HNMT: variants seen among roughly 807,000 people sequenced by gnomAD.
HNMT encodes the protein histamine N-methyltransferase.
Under a neutral mutation model 32.1 loss-of-function variants are expected in HNMT, and 30 were observed. That is an observed-to-expected ratio of 0.93 (90% CI 0.70 to 1.27). HNMT has a LOEUF of 1.27. Among genes scored for constraint, HNMT ranks in the 50% most tolerant of loss-of-function variants. HNMT has a pLI of 0.00. For missense variants in HNMT, 327 were observed against 346.0 expected, an observed-to-expected ratio of 0.95 and a Z score of 0.43; for synonymous variants, 125 against 119.0, an observed-to-expected ratio of 1.05 and a Z score of -0.33.
At chr2:138,006,634 T>C (rs1681338851) in intron 5 of HNMT, among the ~76,000 whole-genome samples, 1 of 152,010 alleles carries the variant, frequency 6.6e-6, no homozygotes, top group Non-Finnish European at 1.5e-5. Flanking sequence ...GGCTGTATCA[T>C]GAATGAATTA....
intron 1 of HNMT, among the ~76,000 whole-genome samples, chr2:137,967,797 A>T (rs1680004547): frequency 6.6e-6 from 1 of 152,210 alleles, no homozygotes; most frequent in South Asian, 2.1e-4. Flanking sequence ...TTAATTTCCA[A>T]GAATGTTTTC....
intron 5 of HNMT, among the ~76,000 whole-genome samples, chr2:138,010,132 A>G (rs943390004): frequency 3.9e-5 from 6 of 152,020 alleles, no homozygotes; most frequent in African/African-American, 1.4e-4. Context: ...CTGCTCTCCA[A>G]TGCACAAAAC....
In HNMT at chr2:138,001,005, A is replaced by G; in HGVS notation, c.278A>G (p.Glu93Gly). ...INNEVVEPSA[E>G]QIAKYKELVA... ...AATGAAGTTGTTGAGCCAAGTGCTG[A>G]ACAAATTGCCAAATACAAAGGTACC... The change falls in exon 3 of 6, where the codon GAA becomes GGA. Residue 93 changes from glutamate (E) to glycine (G), a missense_variant. Physicochemically the swap from Glu to Gly is moderately conservative, Grantham distance 98 (BLOSUM62 -2). Coordinates refer to ENST00000280097, the MANE Select transcript of HNMT (RefSeq NM_006895.3). 6.2e-7 allele frequency: 1 copy of G among 1,604,728 alleles called. No homozygotes were observed. Among genetic ancestry groups the G allele is most frequent in the Non-Finnish European group, 8.5e-7 (1 of 1,174,266 alleles).
At chr2:137,989,583 G>C (rs78415634) in intron 2 of HNMT, among the ~76,000 whole-genome samples, 1 of 152,198 alleles carries the variant, frequency 6.6e-6, no homozygotes, top group Non-Finnish European at 1.5e-5. Context: ...TTGTGTGACT[G>C]TAAGTTTTCA....
At chr2:138,008,360 G>C (rs185918621) in intron 5 of HNMT, among the ~76,000 whole-genome samples, 2 of 151,940 alleles carry the variant, frequency 1.3e-5, no homozygotes, top group African/African-American at 4.8e-5. Context: ...TAGTGTATAT[G>C]TATCACATTT....
At chr2:138,002,957 A>G (rs1031807028) in intron 4 of HNMT, among the ~76,000 whole-genome samples, 1 of 151,702 alleles carries the variant, frequency 6.6e-6, no homozygotes, top group Non-Finnish European at 1.5e-5. Context: ...TGACTCATAC[A>G]TGTTATAGAA....
chr2:137,987,638 T>C (rs1489492071), intron 2 of HNMT, among the ~76,000 whole-genome samples: 2 of 141,388 alleles, frequency 1.4e-5, no homozygotes, highest in African/African-American at 5.3e-5. Flanking sequence ...TTACTTTGAA[T>C]CTCTTATACT....
At chr2:137,979,427 C>T (rs181310486) in intron 2 of HNMT, among the ~76,000 whole-genome samples, 2 of 152,024 alleles carry the variant, frequency 1.3e-5, no homozygotes, top group East Asian at 1.9e-4. Flanking sequence ...CCCATCACCA[C>T]GTTTTTAGTA....
intron 2 of HNMT, among the ~76,000 whole-genome samples, chr2:138,000,543 G>A (rs1681135851): frequency 7.0e-6 from 1 of 143,130 alleles, no homozygotes; most frequent in Non-Finnish European, 1.5e-5. Flanking sequence ...TAATACCTCT[G>A]ATATTGTTAT....
chr2:138,001,020 A>G lies in HNMT; in HGVS notation c.293A>G (p.Tyr98Cys). Residue 98 changes from tyrosine (Y) to cysteine (C), a missense_variant, in exon 3 of 6, where the codon TAC (tyrosine) becomes TGC (cysteine). By Grantham distance (194) the Tyr-to-Cys change is radical. Coordinates refer to ENST00000280097, the MANE Select transcript of HNMT (RefSeq NM_006895.3). The part of the protein sequence containing the change: ...VEPSAEQIAK[Y>C]KELVAKTSNL... ...CCAAGTGCTGAACAAATTGCCAAAT[A>G]CAAAGGTACCTGTAACTCCTGGTCC... 2 of 1,585,798 alleles carry G rather than the reference A, an allele frequency of 1.3e-6. No individual in the cohort carries two copies. Among genetic ancestry groups the G allele is most frequent in the Non-Finnish European group, 1.7e-6 (2 of 1,157,768 alleles).
intron 2 of HNMT, among the ~76,000 whole-genome samples, chr2:137,983,049 C>T (rs1296535895): frequency 1.3e-5 from 2 of 152,154 alleles, no homozygotes; most frequent in African/African-American, 4.8e-5. Context: ...TTTCCTGAAG[C>T]GCATGATTTT....
At chr2:138,010,841 T>A (rs1044557747) in intron 5 of HNMT, among the ~76,000 whole-genome samples, 2 of 151,940 alleles carry the variant, frequency 1.3e-5, no homozygotes, top group Non-Finnish European at 2.9e-5. Flanking sequence ...AAAGAAAAGT[T>A]TTTTTCTGCA....
intron 2 of HNMT, among the ~76,000 whole-genome samples, chr2:137,998,096 G>T (rs1345445259): frequency 6.6e-6 from 1 of 152,022 alleles, no homozygotes; most frequent in East Asian, 1.9e-4. Flanking sequence ...GTATACCTAT[G>T]TAACAAACCT....
At position 138,015,791 on chromosome 2, in the gene HNMT, A is replaced by T. The variant is rs1681644430; in HGVS notation, c.*1661A>T. On this transcript the variant is annotated 3_prime_UTR_variant, in exon 6 of 6. Transcript: ENST00000280097. The stretch of plus-strand genomic sequence containing the variant: ...ATCAAGACTTTACAGAGTCTTTTGT[A>T]TAAAGCACACGTGCAAAAACAAACA... 1 of 152,200 alleles carries T rather than the reference A, an allele frequency of 6.6e-6. No individual in the cohort carries two copies. The highest frequency in any genetic ancestry group is 2.1e-4 in the South Asian group (1 of 4,834). 9.4% of individuals were successfully genotyped at this position (152,200 alleles called of 1,614,324 possible).
chr2:138,013,597 A>G (rs1681575750), intron 5 of HNMT, among the ~76,000 whole-genome samples, 178 bp from the exon 6 acceptor site: 1 of 152,156 alleles, frequency 6.6e-6, no homozygotes, highest in South Asian at 2.1e-4. Flanking sequence ...TTTTTCATTT[A>G]GCATTTATCA....
chr2:137,965,496 GC>G (rs1362816704), intron 1 of HNMT, among the ~76,000 whole-genome samples: 1 of 152,036 alleles, frequency 6.6e-6, no homozygotes, highest in African/African-American at 2.4e-5. Context: ...TTTCACCAGG[GC>G]AGTACCTATG....
At chr2:137,971,676 G>A (rs1187906637) in intron 2 of HNMT, among the ~76,000 whole-genome samples, 6 of 152,112 alleles carry the variant, frequency 3.9e-5, no homozygotes, top group Non-Finnish European at 5.9e-5. Context: ...GAGTGATATA[G>A]GTAACATTTA....
Position 137,973,160 on chromosome 2 carries a change from C to T in HNMT, c.190+2943C>T, listed in dbSNP as rs560393606. Among the ~76,000 whole-genome samples, 111 of 152,206 alleles carry T rather than the reference C, an allele frequency of 7.3e-4. 5 individuals are homozygous for T. The South Asian group carries it at 0.022, about 30-fold the overall frequency. On this transcript the variant is annotated intron_variant, in intron 2 of 5. Coordinates refer to ENST00000280097, the MANE Select transcript of HNMT (RefSeq NM_006895.3). The stretch of plus-strand genomic sequence containing the variant: ...TATATACTTAGCTTTCACTACCCAA[C>T]TAAGTTATATGAAATCAAAAGCAAT...
At chr2:138,002,334 C>T in intron 4 of HNMT, 140 bp downstream of exon 4, 1 of 1,099,598 alleles carries the variant, frequency 9.1e-7, no homozygotes, top group Non-Finnish European at 1.2e-6. Flanking sequence ...ATGATCTGCC[C>T]AAATAAAAGG....
Sources: allele counts gnomAD v4.1 joint callset (sites outside exome capture counted in the v4.1 genomes callset), GRCh38; gene constraint gnomAD v4.1.1; transcripts MANE v1.5; gene names NCBI Gene and HGNC (gene_info 2026-07-23, HGNC 2026-07-21).